Variants in INTS6 observed in about 807,000 individuals in gnomAD.
The protein encoded by INTS6 is integrator complex subunit 6, also known as DEAD box protein.
A neutral mutation model predicts 104.9 loss-of-function variants in INTS6; 16 were observed. That is an observed-to-expected ratio of 0.15 (90% confidence interval 0.10 to 0.23). The LOEUF (loss-of-function observed/expected upper bound fraction) is 0.23, where lower values mean the gene tolerates loss of function less well. Ranked by LOEUF, INTS6 falls within the 10% of genes least tolerant of loss-of-function variation. The pLI, the probability that INTS6 is intolerant of heterozygous loss-of-function variation, is 1.00. For synonymous variants in INTS6, 324 were observed against 358.7 expected (o/e 0.90, Z 1.09); for missense variants, 584 against 1,062.8 (o/e 0.55, Z 6.26).
intron 5 of INTS6, among the ~76,000 whole-genome samples, chr13:51,394,492 G>A (rs1956300323): frequency 6.6e-6 from 1 of 152,066 alleles, no homozygotes; most frequent in Non-Finnish European, 1.5e-5. Context: ...CGCACCAACT[G>A]TGTCTGCAGA....
the INTS6 span, chr13:51,348,144 A>G: frequency 8.2e-7 from 1 of 1,221,218 alleles, no homozygotes; most frequent in Non-Finnish European, 1.2e-6. Flanking sequence ...AGCCTCTCTC[A>G]GGGTCCGACA....
At chr13:51,371,876 G>T (rs138543933) in intron 15 of INTS6, among the ~76,000 whole-genome samples, 1 of 151,892 alleles carries the variant, frequency 6.6e-6, no homozygotes, top group Non-Finnish European at 1.5e-5. Context: ...ACACACCCTC[G>T]CCCCACTTCC....
At chr13:51,412,413 T>C (rs754491857) in intron 4 of INTS6, among the ~76,000 whole-genome samples, 11 of 152,212 alleles carry the variant, frequency 7.2e-5, no homozygotes, top group Admixed American at 3.9e-4. Context: ...GCCATTTGAC[T>C]TAGGATCTAG....
chr13:51,451,912 G>A (rs1953063341), intron 2 of INTS6, 66 bp downstream of exon 2: 5 of 1,161,096 alleles, frequency 4.3e-6, no homozygotes, highest in East Asian at 2.5e-5. Context: ...ATGGGGGGGC[G>A]GGGAGGGCGA....
chr13:51,411,544 C>T (rs1201846385), intron 4 of INTS6, among the ~76,000 whole-genome samples: 1 of 147,872 alleles, frequency 6.8e-6, no homozygotes, highest in Non-Finnish European at 1.5e-5. Flanking sequence ...CAGAGTGAGA[C>T]TCCATCTCAA....
intron 4 of INTS6, among the ~76,000 whole-genome samples, chr13:51,407,080 GAAA>G (rs572557426): frequency 7.3e-6 from 1 of 136,990 alleles, no homozygotes. Flanking sequence ...CCTTTCAGAG[GAAA>G]AAAAAAAAAG....
At chr13:51,371,148 A>G (rs1955794387) in intron 15 of INTS6, among the ~76,000 whole-genome samples, 1 of 152,198 alleles carries the variant, frequency 6.6e-6, no homozygotes, top group South Asian at 2.1e-4. Flanking sequence ...TCTGTAGTTT[A>G]ACTAGACCTC....
At chr13:51,351,766 G>C (rs1290002662), downstream of INTS6, among the ~76,000 whole-genome samples, 3 of 151,906 alleles carry the variant, frequency 2.0e-5, no homozygotes, top group Admixed American at 2.0e-4. Context: ...AACTTTATAG[G>C]CTTAGCTCTT....
Position 51,362,057 on chromosome 13 carries a change from C to T in INTS6, c.*3695G>A, listed in dbSNP as rs1260839175. On this transcript the variant is annotated 3_prime_UTR_variant, in exon 18 of 18. Coordinates refer to ENST00000311234, the MANE Select transcript of INTS6 (RefSeq NM_012141.3). ...CTATCTTCTATCCTAAGAAAGGGGACTATTTCGTAAGTACAAAGGAAACTT... is the reference window on the plus strand; with the variant it reads ...CTATCTTCTATCCTAAGAAAGGGGATTATTTCGTAAGTACAAAGGAAACTT... 1 of 1,575,676 alleles carries T rather than the reference C, an allele frequency of 6.3e-7. No homozygotes were observed. The highest frequency in any genetic ancestry group is 2.3e-5 in the East Asian group (1 of 44,068).
chr13:51,435,254 A>C (rs1242718970), intron 3 of INTS6, among the ~76,000 whole-genome samples: 2 of 152,048 alleles, frequency 1.3e-5, no homozygotes, highest in Admixed American at 1.3e-4. Flanking sequence ...GGTTCCTGTC[A>C]TAAAGAAATC....
At position 51,365,504 on chromosome 13, in the gene INTS6, T is replaced by C. The variant is rs550409526; in HGVS notation, c.*248A>G. ...CAAGAGTCAATGACAAGCAAGAGAT[T>C]TGGAGGAATATTTTTAGTTTGTTAA... On this transcript the variant is annotated 3_prime_UTR_variant, in exon 18 of 18. Coordinates refer to ENST00000311234, the MANE Select transcript of INTS6 (RefSeq NM_012141.3). 25 of 222,210 alleles carry C rather than the reference T, an allele frequency of 1.1e-4. No homozygotes were observed. The highest frequency in any genetic ancestry group is 7.3e-4 in the Admixed American group (13 of 17,894). 13.8% of individuals were successfully genotyped at this position (222,210 alleles called of 1,614,324 possible).
chr13:51,350,089 T>A (rs972800781), downstream of INTS6, among the ~76,000 whole-genome samples: 2 of 152,166 alleles, frequency 1.3e-5, no homozygotes, highest in African/African-American at 4.8e-5. Flanking sequence ...ATTCTTCTTT[T>A]AGTATGACTT....
chr13:51,339,829 T>A, the INTS6 span: 2 of 151,848 alleles, frequency 1.3e-5, no homozygotes, highest in East Asian at 3.9e-4. Flanking sequence ...TTGCTGAGAG[T>A]GTTCTTGTGG....
At chr13:51,338,196 C>T in the INTS6 span, among the ~76,000 whole-genome samples, 3 of 152,162 alleles carry the variant, frequency 2.0e-5, no homozygotes, top group Non-Finnish European at 4.4e-5. Flanking sequence ...CTACCACTGG[C>T]AAATAGTGAA....
At chr13:51,351,742 G>A (rs1256286084), downstream of INTS6, among the ~76,000 whole-genome samples, 1 of 151,680 alleles carries the variant, frequency 6.6e-6, no homozygotes, top group Non-Finnish European at 1.5e-5. Flanking sequence ...TTAGGTGTAT[G>A]TTTTTTTTCC....
At chr13:51,407,569 A>G (rs1051781586) in intron 4 of INTS6, among the ~76,000 whole-genome samples, 10 of 152,210 alleles carry the variant, frequency 6.6e-5, no homozygotes, top group African/African-American at 2.4e-4. Flanking sequence ...GATACCAAAT[A>G]CAGAGGAAAA....
intron 5 of INTS6, 132 bp from the exon 6 acceptor site, chr13:51,389,576 G>T: frequency 1.3e-6 from 1 of 776,982 alleles, no homozygotes; most frequent in Non-Finnish European, 1.8e-6. Context: ...AAGTTCAATG[G>T]TAAAAGTTGA....
At position 51,361,687 on chromosome 13, in the gene INTS6, G is replaced by A; in HGVS notation, c.*4065C>T. On this transcript the variant is annotated 3_prime_UTR_variant, in exon 18 of 18. Coordinates refer to ENST00000311234, the MANE Select transcript of INTS6 (RefSeq NM_012141.3). Reference sequence around the variant, plus strand: ...TCCCATCTGCACCCCCATCACAACAGTAAACAATCAAATGCCATTAGGATG... The same window carrying A: ...TCCCATCTGCACCCCCATCACAACAATAAACAATCAAATGCCATTAGGATG... The A allele has an allele frequency of 3.5e-6, 3 of 863,352 alleles. No individual in the cohort carries two copies. The highest frequency in any genetic ancestry group is 5.2e-6 in the Non-Finnish European group (3 of 578,178). The allele number at this position is 863,352 out of a possible 1,614,324, so 53.5% of individuals were successfully genotyped here.
At chr13:51,375,035 T>C (rs1461688143) in intron 13 of INTS6, among the ~76,000 whole-genome samples, 1 of 152,058 alleles carries the variant, frequency 6.6e-6, no homozygotes, top group African/African-American at 2.4e-5. Flanking sequence ...ATACATACAT[T>C]GCCATTAATT....
Sources: allele counts gnomAD v4.1 joint callset (sites outside exome capture counted in the v4.1 genomes callset), GRCh38; gene constraint gnomAD v4.1.1; transcripts MANE v1.5; gene names NCBI Gene and HGNC (gene_info 2026-07-23, HGNC 2026-07-21).